The following WASF2 variants were observed in gnomAD, a reference collection of about 807,000 sequenced individuals.
WASF2 encodes WASP family member 2.
Under a neutral mutation model 45.0 loss-of-function variants are expected in WASF2, and 14 were observed. The ratio of observed to expected loss-of-function variants is 0.31; its 90% CI spans 0.21 to 0.49. The LOEUF is 0.49. Ranked by LOEUF, WASF2 falls within the 20% of genes least tolerant of loss-of-function variation. The probability of loss-of-function intolerance (pLI) is 0.99; values close to 1 mark genes in which losing one functional copy is unlikely to be tolerated. For synonymous variants in WASF2, 200 were observed against 236.3 expected (o/e 0.85, Z 1.41); for missense variants, 439 against 636.1 (o/e 0.69, Z 3.33).
chr1:27,433,098 A>G (rs568940247), intron 1 of WASF2, among the ~76,000 whole-genome samples: 21 of 152,336 alleles, frequency 1.4e-4, no homozygotes, highest in Non-Finnish European at 2.1e-4. Flanking sequence ...ACTTTTAACC[A>G]TAGACATATT....
chr1:27,409,756 C>T lies in WASF2; in HGVS notation c.1275G>A (p.Lys425=). The change falls in exon 8 of 9, where the codon AAG becomes AAA. Residue 425 remains lysine, a synonymous_variant. Coordinates refer to ENST00000618852, the MANE Select transcript of WASF2 (RefSeq NM_006990.5). ...TCACGGCAGGCAAGGAGGACTTGGG[C>T]TTGGTGGTATCAGAAAGCGGTGGTG... The part of the protein sequence containing the change: ...AIPPPLSDTT[K]PKSSLPAVSD... 1 of 1,535,724 alleles carries T rather than the reference C, an allele frequency of 6.5e-7. No individual in the cohort carries two copies. The highest frequency in any genetic ancestry group is 1.3e-5 in the South Asian group (1 of 76,920).
intron 1 of WASF2, among the ~76,000 whole-genome samples, chr1:27,462,915 G>A (rs139527767): frequency 2.0e-5 from 3 of 152,014 alleles, no homozygotes; most frequent in African/African-American, 7.3e-5. Flanking sequence ...CGCCTCCTGC[G>A]TTCAAGCATT....
intron 1 of WASF2, among the ~76,000 whole-genome samples, chr1:27,445,480 A>C (rs1173917717): frequency 2.6e-5 from 4 of 152,076 alleles, no homozygotes; most frequent in Non-Finnish European, 4.4e-5. Flanking sequence ...CAAATTCCAG[A>C]CTAGTTTATC....
At chr1:27,416,670 A>G (rs922079123) in intron 4 of WASF2, among the ~76,000 whole-genome samples, 5 of 152,228 alleles carry the variant, frequency 3.3e-5, no homozygotes, top group African/African-American at 9.6e-5. Flanking sequence ...GCTCCCTTCT[A>G]GAACAGCTCA....
chr1:27,456,328 A>C (rs1394875392), intron 1 of WASF2, among the ~76,000 whole-genome samples: 1 of 151,622 alleles, frequency 6.6e-6, no homozygotes, highest in African/African-American at 2.4e-5. Flanking sequence ...AAAAAAAAAA[A>C]AAAAAAAAAA....
At chr1:27,487,336 T>G (rs2017944540) in intron 1 of WASF2, among the ~76,000 whole-genome samples, 1 of 142,214 alleles carries the variant, frequency 7.0e-6, no homozygotes, top group South Asian at 2.1e-4. Context: ...CCCGACCTCG[T>G]GATCCACCCG....
chr1:27,477,716 G>A (rs1388786617), intron 1 of WASF2, among the ~76,000 whole-genome samples: 2 of 111,446 alleles, frequency 1.8e-5, no homozygotes, highest in African/African-American at 4.7e-5. Flanking sequence ...CGGCTAAAAC[G>A]GTGAAACCCC....
intron 1 of WASF2, among the ~76,000 whole-genome samples, chr1:27,488,924 A>T (rs764942292): frequency 6.6e-5 from 10 of 152,106 alleles, no homozygotes; most frequent in Admixed American, 2.0e-4. Context: ...AATTCTCAAG[A>T]GTCACTGTAA....
chr1:27,423,453 A>T (rs2016935770), intron 2 of WASF2, among the ~76,000 whole-genome samples: 1 of 152,212 alleles, frequency 6.6e-6, no homozygotes, highest in African/African-American at 2.4e-5. Flanking sequence ...AAGTGCTGGG[A>T]TTACAGGCGT....
chr1:27,461,664 C>T (rs1413966338), intron 1 of WASF2, among the ~76,000 whole-genome samples: 3 of 151,762 alleles, frequency 2.0e-5, no homozygotes, highest in South Asian at 4.2e-4. Flanking sequence ...TTCGTAGAGT[C>T]GGGGTTTCAC....
In WASF2 at chr1:27,437,100, T is replaced by C. The variant is rs556117890; in HGVS notation, c.-43-8167A>G. Among the ~76,000 whole-genome samples, 12 of 152,308 alleles carry C rather than the reference T, an allele frequency of 7.9e-5. No individual in the cohort carries two copies. The South Asian group carries it at 2.5e-3, about 32-fold the overall frequency. The stretch of plus-strand genomic sequence containing the variant: ...CTGGTAATTCCATAACTTTTTATTA[T>C]CTTTTGGGGGCAATAGCACCTTTTG... On this transcript the variant is annotated intron_variant, in intron 1 of 8. Transcript: ENST00000618852.
chr1:27,445,227 T>C lies in WASF2; in HGVS notation c.-43-16294A>G, dbSNP rs75454477. ...TATTTATTCACATTTTCTTGAATATTTCTAGTCCTCCAATTTTCCAAGGTA... is the reference window on the plus strand; with the variant it reads ...TATTTATTCACATTTTCTTGAATATCTCTAGTCCTCCAATTTTCCAAGGTA... On this transcript the variant is annotated intron_variant, in intron 1 of 8. Transcript: ENST00000618852. 2.1e-3 allele frequency among the ~76,000 whole-genome samples: 323 copies of C among 152,334 alleles called. 3 individuals are homozygous for C. In the East Asian group the frequency reaches 0.041, roughly 19 times the overall value.
intron 1 of WASF2, among the ~76,000 whole-genome samples, chr1:27,463,451 C>T (rs2017573535): frequency 6.6e-6 from 1 of 151,332 alleles, no homozygotes; most frequent in African/African-American, 2.4e-5. Context: ...CGGTAAAACC[C>T]CGTCTCTAGA....
chr1:27,441,415 G>A (rs1446564581), intron 1 of WASF2, among the ~76,000 whole-genome samples: 2 of 148,936 alleles, frequency 1.3e-5, no homozygotes, highest in Non-Finnish European at 3.0e-5. Flanking sequence ...ATCACTTGAG[G>A]TCAGGAATTC....
In WASF2 at chr1:27,408,133, T is replaced by C. The variant is rs1473044765; in HGVS notation, c.*56A>G. On this transcript the variant is annotated 3_prime_UTR_variant, in exon 9 of 9. Transcript: ENST00000618852. ...CCCTACGGGTCTGTTGGGGTTGGCATCAAAGAAGGCAGGTAGGAAGGAAAG... is the reference window on the plus strand; with the variant it reads ...CCCTACGGGTCTGTTGGGGTTGGCACCAAAGAAGGCAGGTAGGAAGGAAAG... The C allele has an allele frequency of 6.3e-7, 1 of 1,584,904 alleles. No individual in the cohort carries two copies. Among genetic ancestry groups the C allele is most frequent in the Non-Finnish European group, 8.6e-7 (1 of 1,161,874 alleles).
intron 1 of WASF2, among the ~76,000 whole-genome samples, chr1:27,488,660 C>T (rs2017979973): frequency 6.6e-6 from 1 of 152,174 alleles, no homozygotes; most frequent in African/African-American, 2.4e-5. Context: ...AATAAAGGGG[C>T]TGGACTTATA....
chr1:27,473,940 G>C (rs2017729459), intron 1 of WASF2, among the ~76,000 whole-genome samples: 1 of 152,116 alleles, frequency 6.6e-6, no homozygotes, highest in Admixed American at 6.6e-5. Context: ...ACTCAGACTG[G>C]GACCATTTAG....
At position 27,419,716 on chromosome 1, in the gene WASF2, G is replaced by A. The variant is rs114110029; in HGVS notation, c.131-628C>T. On this transcript the variant is annotated intron_variant, in intron 2 of 8. Transcript: ENST00000618852. The stretch of plus-strand genomic sequence containing the variant: ...AAAACAGATTGGGAGTTCAGAGGAC[G>A]TTCTACGTATCTAAAATTAACATGA... 4.7e-4 allele frequency among the ~76,000 whole-genome samples: 72 copies of A among 152,292 alleles called. 1 individual carries two copies. The South Asian group carries it at 6.0e-3, about 13-fold the overall frequency.
At chr1:27,422,006 A>G (rs1314829395) in intron 2 of WASF2, among the ~76,000 whole-genome samples, 1 of 151,754 alleles carries the variant, frequency 6.6e-6, no homozygotes, top group Non-Finnish European at 1.5e-5. Flanking sequence ...AAAAAGAAAA[A>G]TATCTATTAA....
Sources: gnomAD v4.1 joint callset for allele counts (sites outside exome capture counted in the v4.1 genomes callset) on GRCh38, gnomAD v4.1.1 for gene constraint, MANE v1.5 for transcripts, NCBI Gene and HGNC (gene_info 2026-07-23, HGNC 2026-07-21) for gene names.